The following MTOR variants were observed in gnomAD, a reference collection of about 807,000 sequenced individuals.
MTOR encodes serine/threonine-protein kinase mTOR.
In MTOR, 70 loss-of-function variants were observed where a neutral mutation model predicts 319.8. The ratio of observed to expected loss-of-function variants is 0.22; its 90% CI spans 0.18 to 0.27. The LOEUF (loss-of-function observed/expected upper bound fraction) is 0.27, where lower values mean the gene tolerates loss of function less well. Ranked by LOEUF, MTOR falls within the 10% of genes least tolerant of loss-of-function variation. The pLI is 1.00. For missense variants in MTOR, 1,890 were observed against 3,274.4 expected, an observed-to-expected ratio of 0.58 and a Z score of 10.32; for synonymous variants, 1,183 against 1,211.4, an observed-to-expected ratio of 0.98 and a Z score of 0.49.
rs1642892703 is a variant in MTOR, at chr1:11,127,386, T to G, written c.6216+238A>C. Among the ~76,000 whole-genome samples, 1 of 152,182 alleles carries G rather than the reference T, an allele frequency of 6.6e-6. No individual in the cohort carries two copies. Among genetic ancestry groups the G allele is most frequent in the Non-Finnish European group, 1.5e-5 (1 of 68,018 alleles). On this transcript the variant is annotated intron_variant, in intron 44 of 57. Transcript: ENST00000361445. The surrounding 1 kb of genome is among the most constrained non-coding windows in gnomAD (Gnocchi z 5.5). ...GACGAGATGACCTCTTGAGAAATCT[T>G]GGGCTTTTCCAGTTAAAATTCAGAA...
chr1:11,130,618 C>CAGTGGT lies in MTOR; in HGVS notation c.5518_5523dup (p.Thr1840_Thr1841dup). The CAGTGGT allele has an allele frequency of 6.2e-7, 1 of 1,613,694 alleles. No individual in the cohort carries two copies. Among genetic ancestry groups the CAGTGGT allele is most frequent in the Non-Finnish European group, 8.5e-7 (1 of 1,179,756 alleles). On this transcript the variant is annotated inframe_insertion, in exon 39 of 58. Coordinates refer to ENST00000361445, the MANE Select transcript of MTOR (RefSeq NM_004958.4). ...TCACTGTTGCTGCCCTCGGTGCTGG[C>CAGTGGT]AGTGGTGGTGGCAGTGGCGGCCGTG... is the stretch of plus-strand genomic sequence containing the variant.
intron 29 of MTOR, among the ~76,000 whole-genome samples, chr1:11,166,938 C>T (rs984872244): frequency 6.6e-6 from 1 of 152,152 alleles, no homozygotes; most frequent in Admixed American, 6.5e-5. Flanking sequence ...AGTTCATGTC[C>T]ATTGTAGGGA....
intron 28 of MTOR, among the ~76,000 whole-genome samples, chr1:11,169,071 T>C (rs1644732000): frequency 6.6e-6 from 1 of 152,220 alleles, no homozygotes; most frequent in Non-Finnish European, 1.5e-5. Context: ...TTAAGTGGTT[T>C]TGGGAAATTC....
chr1:11,119,410 C>CAA (rs537175848), intron 49 of MTOR, among the ~76,000 whole-genome samples: 2 of 143,492 alleles, frequency 1.4e-5, no homozygotes, highest in East Asian at 2.0e-4. Context: ...ATTAAAAATA[C>CAA]AAAAAAAAAA....
chr1:11,255,465 A>G (rs1214292535), intron 5 of MTOR, among the ~76,000 whole-genome samples: 2 of 152,116 alleles, frequency 1.3e-5, no homozygotes, highest in Admixed American at 6.5e-5. Flanking sequence ...AGTCATACAT[A>G]AAATAATGTA....
intron 11 of MTOR, among the ~76,000 whole-genome samples, chr1:11,239,498 C>T (rs1203097177): frequency 6.7e-6 from 1 of 149,614 alleles, no homozygotes; most frequent in African/African-American, 2.6e-5. Flanking sequence ...CCAATACTAC[C>T]TATATGATCT....
intron 28 of MTOR, chr1:11,194,625 C>T (rs368746195): frequency 6.2e-7 from 1 of 1,614,204 alleles, no homozygotes; most frequent in Non-Finnish European, 8.5e-7. Context: ...AGGACAATGA[C>T]AACTGCTTGG....
At chr1:11,262,375 C>G (rs994390552) in intron 1 of MTOR, 70 bp downstream of exon 1, 1 of 152,428 alleles carries the variant, frequency 6.6e-6, no homozygotes, top group East Asian at 1.9e-4. Flanking sequence ...CTGGCCCCCC[C>G]ACGGGCAGGC....
At chr1:11,249,021 C>T (rs111290944) in intron 6 of MTOR, among the ~76,000 whole-genome samples, 4,734 of 152,094 alleles carry the variant, frequency 0.031, 191 homozygotes, top group African/African-American at 0.072. Context: ...GTCAGGAGTT[C>T]GAGACCAGTC....
chr1:11,233,298 A>AAAATAGTATTTT, intron 15 of MTOR, 100 bp downstream of exon 15: 2 of 1,074,806 alleles, frequency 1.9e-6, no homozygotes, highest in South Asian at 2.8e-5. Flanking sequence ...TAAATATGTG[A>AAAATAGTATTTT]GACCTTTCAT....
At chr1:11,156,944 T>G (rs1644338551) in intron 30 of MTOR, among the ~76,000 whole-genome samples, 1 of 152,080 alleles carries the variant, frequency 6.6e-6, no homozygotes, top group African/African-American at 2.4e-5. Flanking sequence ...CATTATAAAG[T>G]TTAAGTGAAG....
chr1:11,134,257 G>T, intron 37 of MTOR, 94 bp downstream of exon 37: 1 of 1,057,750 alleles, frequency 9.5e-7, no homozygotes. Context: ...TCAGCAATCA[G>T]CCACCCAAGA....
intron 28 of MTOR, among the ~76,000 whole-genome samples, chr1:11,188,832 T>C (rs1645407180): frequency 6.6e-6 from 1 of 152,134 alleles, no homozygotes; most frequent in Non-Finnish European, 1.5e-5. Flanking sequence ...TAGATCCAGG[T>C]TGAGTAAGGA....
At chr1:11,122,234 T>G (rs992079413) in intron 47 of MTOR, 108 bp from the exon 48 acceptor site, 29 of 1,361,404 alleles carry the variant, frequency 2.1e-5, no homozygotes, top group Non-Finnish European at 2.4e-5. Flanking sequence ...GACAGAGTCT[T>G]GCTCTGTTGC....
rs1649030039 is a variant in MTOR at position 11,247,658 on chromosome 1, G to A, written c.1192C>T (p.Arg398Cys). 3 of 1,614,120 alleles carry A rather than the reference G, an allele frequency of 1.9e-6. No homozygotes were observed. Among genetic ancestry groups the A allele is most frequent in the Non-Finnish European group, 1.7e-6 (2 of 1,180,028 alleles). Residue 398 changes from arginine (R) to cysteine (C), a missense_variant, in exon 8 of 58, where the codon CGC becomes TGC. This residue lies in a region of MTOR where 418 missense variants were observed against 543.1 expected (regional missense o/e 0.77). Transcript: ENST00000361445. ...IQMTILNLLP[R>C]LAAFRPSAFT... ...GCAGAAGGTCGGAATGCAGCCAAGC[G>A]GGGCAACAAATTAAGGATTGTCATT...
chr1:11,214,506 A>T (rs1569588333), intron 20 of MTOR, among the ~76,000 whole-genome samples: 1 of 152,310 alleles, frequency 6.6e-6, no homozygotes, highest in South Asian at 2.1e-4. Context: ...GATAATAGAA[A>T]CCCTACTAAT....
chr1:11,211,007 G>A (rs1218268612), intron 23 of MTOR, 101 bp from the exon 24 acceptor site: 1 of 696,514 alleles, frequency 1.4e-6, no homozygotes, highest in Non-Finnish European at 2.5e-6. Flanking sequence ...CATTTCTTCT[G>A]GGTTTGTGGC....
At chr1:11,252,956 C>T (rs1450648804) in intron 6 of MTOR, among the ~76,000 whole-genome samples, 1 of 152,140 alleles carries the variant, frequency 6.6e-6, no homozygotes, top group Non-Finnish European at 1.5e-5. Flanking sequence ...GCTCTGAAAC[C>T]CATCACTAAG....
chr1:11,160,078 T>TTATTTATTTATG (rs1644428921), intron 29 of MTOR, among the ~76,000 whole-genome samples: 1 of 145,030 alleles, frequency 6.9e-6, no homozygotes, highest in South Asian at 2.2e-4. Flanking sequence ...ATTATAGCAT[T>TTATTTATTTATG]TATTTATTTA....
Sources: gnomAD v4.1 joint callset for allele counts (sites outside exome capture counted in the v4.1 genomes callset) on GRCh38, gnomAD v4.1.1 for gene constraint, gnomAD v4.1.1 regional missense constraint, Gnocchi (gnomAD v3.1) non-coding constraint, MANE v1.5 for transcripts, NCBI Gene and HGNC (gene_info 2026-07-23, HGNC 2026-07-21) for gene names.